Variants in AMZ1 observed in about 807,000 individuals in gnomAD.
AMZ1 encodes the protein archaemetzincin-1.
A neutral mutation model predicts 29.9 loss-of-function variants in AMZ1; 39 were observed. The ratio of observed to expected loss-of-function variants is 1.30; its 90% CI spans 1.01 to 1.70. The LOEUF is 1.70. Among genes scored for constraint, AMZ1 ranks in the 40% most tolerant of loss-of-function variants. The probability of loss-of-function intolerance (pLI) is 0.00; values close to 1 mark genes in which losing one functional copy is unlikely to be tolerated. For synonymous variants in AMZ1, 458 were observed against 304.0 expected, an observed-to-expected ratio of 1.51 and a Z score of -5.27; for missense variants, 1,041 against 680.6, an observed-to-expected ratio of 1.53 and a Z score of -5.89.
downstream of AMZ1, among the ~76,000 whole-genome samples, chr7:2,720,045 G>C (rs901125690): frequency 5.9e-5 from 9 of 152,236 alleles, no homozygotes; most frequent in African/African-American, 2.2e-4. Flanking sequence ...TAAATGAAAA[G>C]AGAATGTGTC....
chr7:2,707,711 TC>T (rs1228653421), intron 3 of AMZ1, among the ~76,000 whole-genome samples: 1 of 152,010 alleles, frequency 6.6e-6, no homozygotes. Context: ...CTTTCCAGCT[TC>T]TAGAGGCACC....
intron 4 of AMZ1, among the ~76,000 whole-genome samples, chr7:2,726,818 G>A (rs905252509): frequency 2.0e-5 from 3 of 152,186 alleles, no homozygotes; most frequent in Non-Finnish European, 4.4e-5. Context: ...GCCGAGGACC[G>A]GACGGTGCCC....
chr7:2,735,606 G>A (rs1358707990), intron 4 of AMZ1, among the ~76,000 whole-genome samples: 1 of 152,204 alleles, frequency 6.6e-6, no homozygotes, highest in South Asian at 2.1e-4. Context: ...CAGTCCCCCA[G>A]CTGCACTTCA....
chr7:2,683,326 G>A (rs149899984), upstream of AMZ1, among the ~76,000 whole-genome samples: 958 of 152,292 alleles, frequency 6.3e-3, 12 homozygotes, highest in African/African-American at 0.022. Context: ...GCCTCTTCCT[G>A]CTTCTGGGGG....
downstream of AMZ1, among the ~76,000 whole-genome samples, chr7:2,721,736 C>T (rs1007475566): frequency 4.0e-5 from 6 of 149,334 alleles, no homozygotes; most frequent in South Asian, 2.1e-4. Context: ...AAAAAGATAG[C>T]GGCGGGTGGG....
intron 6 of AMZ1, 135 bp downstream of exon 6, chr7:2,709,951 C>G: frequency 8.2e-7 from 1 of 1,223,160 alleles, no homozygotes; most frequent in Non-Finnish European, 1.1e-6. Flanking sequence ...CAGTGCAGAG[C>G]CCTGGGACCT....
At chr7:2,737,270 TTTTG>T (rs1178218055) in intron 4 of AMZ1, among the ~76,000 whole-genome samples, 5 of 47,728 alleles carry the variant, frequency 1.0e-4, no homozygotes, top group African/African-American at 2.6e-4. Flanking sequence ...CACAGTTTTG[TTTTG>T]TTTTTTTTTT....
chr7:2,735,839 C>T lies in AMZ1; in HGVS notation n.550+26023C>T, dbSNP rs1198883006. The stretch of plus-strand genomic sequence containing the variant: ...CAGGGGGTCCGTGGGAAAGCTGCCA[C>T]TGAACTGTAAGGTGCCAGGGACTGT... On this transcript the variant is annotated intron_variant and non_coding_transcript_variant, in intron 4 of 4. Coordinates refer to the AMZ1 transcript ENST00000489665. Among the ~76,000 whole-genome samples, 7 of 152,160 alleles carry T rather than the reference C, an allele frequency of 4.6e-5. No homozygotes were observed. The East Asian group carries it at 1.3e-3, about 29-fold the overall frequency.
chr7:2,737,263 A>AGTTTTGTTTTGTTTT (rs569069278), intron 4 of AMZ1, among the ~76,000 whole-genome samples: 5 of 79,574 alleles, frequency 6.3e-5, no homozygotes, highest in East Asian at 4.3e-4. Flanking sequence ...GCTATCTCAC[A>AGTTTTGTTTTGTTTT]GTTTTGTTTT....
chr7:2,711,977 G>A (rs7807872), intron 6 of AMZ1, among the ~76,000 whole-genome samples: 1 of 152,136 alleles, frequency 6.6e-6, no homozygotes, highest in Non-Finnish European at 1.5e-5. Flanking sequence ...AACCTGGGAG[G>A]GGGAGGTTGC....
chr7:2,690,549 C>G (rs1036596111), intron 1 of AMZ1, among the ~76,000 whole-genome samples: 8 of 152,282 alleles, frequency 5.3e-5, no homozygotes, highest in African/African-American at 1.7e-4. Context: ...CGTGGCCACT[C>G]CTTCCCGGGC....
At chr7:2,711,703 G>A (rs980302505) in intron 6 of AMZ1, among the ~76,000 whole-genome samples, 1 of 152,150 alleles carries the variant, frequency 6.6e-6, no homozygotes, top group Non-Finnish European at 1.5e-5. Flanking sequence ...ACAAGCGTGA[G>A]CCACCATGCC....
chr7:2,763,861 A>AG (rs1791690320), upstream of AMZ1, among the ~76,000 whole-genome samples: 1 of 152,206 alleles, frequency 6.6e-6, no homozygotes, highest in Admixed American at 6.5e-5. Context: ...CATGGCTGGC[A>AG]GAGAGCGAGG....
chr7:2,707,984 C>G (rs148765363), intron 3 of AMZ1, among the ~76,000 whole-genome samples: 15 of 151,812 alleles, frequency 9.9e-5, no homozygotes, highest in Non-Finnish European at 1.9e-4. Flanking sequence ...CCACCAGGCC[C>G]GGCTCATTTT....
At chr7:2,726,738 A>G (rs962104174) in intron 4 of AMZ1, among the ~76,000 whole-genome samples, 4 of 152,244 alleles carry the variant, frequency 2.6e-5, no homozygotes, top group Non-Finnish European at 5.9e-5. Flanking sequence ...GGGCAAGAAG[A>G]GAGATGCCCC....
intron 4 of AMZ1, among the ~76,000 whole-genome samples, chr7:2,737,288 T>TG: frequency 2.6e-5 from 1 of 39,194 alleles, no homozygotes; most frequent in Admixed American, 3.5e-4. Context: ...TTTTTTTTTT[T>TG]GTTTTTTTTT....
chr7:2,744,153 G>A (rs1410928078), intron 4 of AMZ1, among the ~76,000 whole-genome samples: 1 of 152,240 alleles, frequency 6.6e-6, no homozygotes, highest in South Asian at 2.1e-4. Flanking sequence ...GTCCCCGTCT[G>A]ACAGCTTTGA....
At chr7:2,709,527 C>A (rs534332330) in intron 5 of AMZ1, 113 bp from the exon 6 acceptor site, 4 of 1,459,234 alleles carry the variant, frequency 2.7e-6, no homozygotes, top group South Asian at 2.7e-5. Context: ...GACCACCTCC[C>A]GGCCATCTGG....
Position 2,706,711 on chromosome 7 carries a change from C to T in AMZ1, c.473-1877C>T, listed in dbSNP as rs925513201. On this transcript the variant is annotated intron_variant, in intron 3 of 6. Coordinates refer to ENST00000683327, the MANE Select transcript of AMZ1 (RefSeq NM_001384743.1). ...CACTGGGTCTCCTTCATGACCTCAT[C>T]TTAACTGGATTACATCTGCACAGAT... Among the ~76,000 whole-genome samples, 9 of 152,244 alleles carry T rather than the reference C, an allele frequency of 5.9e-5. No homozygotes were observed. In the South Asian group the frequency reaches 1.0e-3, roughly 17 times the overall value.
Sources: gnomAD v4.1 joint callset for allele counts (sites outside exome capture counted in the v4.1 genomes callset) on GRCh38, gnomAD v4.1.1 for gene constraint, MANE v1.5 for transcripts, NCBI Gene and HGNC (gene_info 2026-07-23, HGNC 2026-07-21) for gene names.